Variants in SLC14A2 observed in about 807,000 individuals in gnomAD.
SLC14A2 encodes urea transporter 2.
A neutral mutation model predicts 104.6 loss-of-function variants in SLC14A2; 91 were observed. The observed-to-expected ratio is 0.87, with a 90% CI of 0.73 to 1.04. The LOEUF (loss-of-function observed/expected upper bound fraction) is 1.04, where lower values mean the gene tolerates loss of function less well. SLC14A2 is among the 50% of genes least tolerant of loss of function. The pLI is 0.00. For synonymous variants in SLC14A2, 476 were observed against 466.4 expected, an observed-to-expected ratio of 1.02 and a Z score of -0.27; for missense variants, 1,189 against 1,156.0, an observed-to-expected ratio of 1.03 and a Z score of -0.41.
intron 1 of SLC14A2, among the ~76,000 whole-genome samples, chr18:45,220,014 G>A (rs373417591): frequency 7.2e-5 from 11 of 152,264 alleles, no homozygotes; most frequent in African/African-American, 2.4e-4. Context: ...ATTTTCTGTC[G>A]GAAGTTAAGG....
At chr18:45,387,686 G>A (rs951671527) in intron 1 of SLC14A2, among the ~76,000 whole-genome samples, 1 of 152,116 alleles carries the variant, frequency 6.6e-6, no homozygotes, top group African/African-American at 2.4e-5. Context: ...TTGGGGACAG[G>A]GTCGAACTTT....
intron 1 of SLC14A2, among the ~76,000 whole-genome samples, chr18:45,214,473 T>C (rs949994555): frequency 2.6e-5 from 4 of 152,230 alleles, no homozygotes; most frequent in African/African-American, 9.6e-5. Flanking sequence ...TGAATGTATC[T>C]ATTATTCCAC....
rs34456057 is a variant in SLC14A2 at position 45,426,698 on chromosome 18, T to TACACACAC, written c.-124-56507_-124-56500dup. Among the ~76,000 whole-genome samples, 567 of 140,990 alleles carry TACACACAC rather than the reference T, an allele frequency of 4.0e-3. 4 individuals are homozygous for TACACACAC. Among genetic ancestry groups the TACACACAC allele is most frequent in the African/African-American group, 0.012 (462 of 37,534 alleles). 92.5% of individuals were successfully genotyped at this position (140,990 alleles called of 152,430 possible). A position where few individuals can be genotyped will look rare whatever the true frequency, so the allele number is the denominator to read the frequency against. On this transcript the variant is annotated intron_variant, in intron 1 of 20. Coordinates refer to the SLC14A2 transcript ENST00000586448. ...ACACACATATACATATATACATACA[T>TACACACAC]ACACACACACACACACACACACACA...
chr18:45,250,312 A>G (rs1267748908), intron 1 of SLC14A2, among the ~76,000 whole-genome samples: 1 of 152,182 alleles, frequency 6.6e-6, no homozygotes, highest in Admixed American at 6.5e-5. Flanking sequence ...ACGCATGCAC[A>G]CATTTGGGGC....
chr18:45,214,392 G>A (rs947389121), intron 1 of SLC14A2, among the ~76,000 whole-genome samples: 1 of 152,142 alleles, frequency 6.6e-6, no homozygotes, highest in African/African-American at 2.4e-5. Context: ...GAGATAGAGA[G>A]GGAGGAAAGG....
chr18:45,330,902 G>T (rs1435730909), intron 1 of SLC14A2, among the ~76,000 whole-genome samples: 3 of 152,300 alleles, frequency 2.0e-5, no homozygotes, highest in Non-Finnish European at 2.9e-5. Context: ...GAATTTATGT[G>T]GTTGTTGTGA....
At position 45,384,032 on chromosome 18, in the gene SLC14A2, C is replaced by T. The variant is rs139503216; in HGVS notation, c.-124-99201C>T. Among the ~76,000 whole-genome samples, 14 of 152,242 alleles carry T rather than the reference C, an allele frequency of 9.2e-5. No homozygotes were observed. The East Asian group carries it at 2.7e-3, about 29-fold the overall frequency. On this transcript the variant is annotated intron_variant, in intron 1 of 20. Coordinates refer to the SLC14A2 transcript ENST00000586448. ...ACAAGTTTAGAGAGTCAAGGAAGGT[C>T]CCTGGGTTGGGCAGAGGGGAAAAGA... is the stretch of plus-strand genomic sequence containing the variant.
intron 1 of SLC14A2, among the ~76,000 whole-genome samples, chr18:45,454,049 AG>A (rs1213235345): frequency 6.6e-6 from 1 of 151,744 alleles, no homozygotes. Flanking sequence ...TAGTAGAGAC[AG>A]GGTTTCACCA....
At chr18:45,564,344 C>T (rs781583224) in intron 2 of SLC14A2, among the ~76,000 whole-genome samples, 12 of 152,198 alleles carry the variant, frequency 7.9e-5, no homozygotes, top group Non-Finnish European at 1.6e-4. Context: ...CATCTATATG[C>T]TTCCAGTGCT....
intron 6 of SLC14A2, among the ~76,000 whole-genome samples, chr18:45,639,107 CTA>C (rs2045472972): frequency 1.3e-5 from 2 of 152,334 alleles, no homozygotes; most frequent in Admixed American, 1.3e-4. Context: ...TTCTACAATG[CTA>C]TGCGGTCTTC....
At chr18:45,681,580 T>C (rs1375063411) in intron 19 of SLC14A2, among the ~76,000 whole-genome samples, 1 of 152,204 alleles carries the variant, frequency 6.6e-6, no homozygotes, top group African/African-American at 2.4e-5. Context: ...TGGAGAGCCC[T>C]TGAGAAGAAA....
chr18:45,483,708 C>T (rs2144704638), intron 2 of SLC14A2, among the ~76,000 whole-genome samples: 1 of 152,276 alleles, frequency 6.6e-6, no homozygotes, highest in African/African-American at 2.4e-5. Flanking sequence ...AGTTTTCCTT[C>T]CTCATGCCAC....
At chr18:45,339,619 G>T (rs572185752) in intron 1 of SLC14A2, among the ~76,000 whole-genome samples, 12 of 151,920 alleles carry the variant, frequency 7.9e-5, no homozygotes, top group Non-Finnish European at 7.4e-5. Flanking sequence ...GAAGTAAATC[G>T]CAAACAATAT....
chr18:45,417,859 T>A (rs967700589), intron 1 of SLC14A2, among the ~76,000 whole-genome samples: 9 of 152,206 alleles, frequency 5.9e-5, no homozygotes, highest in African/African-American at 2.2e-4. Context: ...AGGAAAGGAC[T>A]TTTTTAAGTT....
rs375215395 is a variant in SLC14A2, at chr18:45,641,272, T to A, written c.1055T>A (p.Leu352His). ...YTGLWSYNCV[L>H]SCIAIGGMFY... is the part of the protein sequence containing the mutation. ...GGCCTCTGGAGCTACAACTGCGTCC[T>A]CTCCTGCATCGCCATCGGAGGCATG... The change falls in exon 8 of 20, where the codon CTC becomes CAC. Residue 352 changes from leucine (L) to histidine (H), a missense_variant. Physicochemically the swap from Leu to His is moderately conservative, Grantham distance 99. Transcript: ENST00000255226. 8.1e-6 allele frequency: 13 copies of A among 1,614,052 alleles called. No individual in the cohort carries two copies. The highest frequency in any genetic ancestry group is 1.1e-5 in the Non-Finnish European group (13 of 1,180,028).
intron 1 of SLC14A2, among the ~76,000 whole-genome samples, chr18:45,401,085 T>G (rs1040580917): frequency 1.3e-5 from 2 of 152,106 alleles, no homozygotes; most frequent in Non-Finnish European, 2.9e-5. Context: ...ACCTCTAGGG[T>G]GTTGCTGCTT....
chr18:45,612,389 C>G (rs1200041705), upstream of SLC14A2, among the ~76,000 whole-genome samples: 1 of 152,236 alleles, frequency 6.6e-6, no homozygotes, highest in African/African-American at 2.4e-5. Flanking sequence ...TTACCCATCT[C>G]TCTACTGCCT....
At chr18:45,183,628 TCTTTC>T in the SLC14A2 span, among the ~76,000 whole-genome samples, 1 of 149,334 alleles carries the variant, frequency 6.7e-6, no homozygotes, top group African/African-American at 2.5e-5. Context: ...CTGAGCCTTT[TCTTTC>T]CTTTCTTTTC....
chr18:45,187,650 C>T, the SLC14A2 span, among the ~76,000 whole-genome samples: 1 of 152,062 alleles, frequency 6.6e-6, no homozygotes, highest in Admixed American at 6.6e-5. Flanking sequence ...AAGGTGAAGC[C>T]ACCTTATGCC....
Sources: allele counts gnomAD v4.1 joint callset (sites outside exome capture counted in the v4.1 genomes callset), GRCh38; gene constraint gnomAD v4.1.1; transcripts MANE v1.5; gene names NCBI Gene and HGNC (gene_info 2026-07-23, HGNC 2026-07-21).